The following INTS6 variants were observed in gnomAD, a reference collection of about 807,000 sequenced individuals.
INTS6 encodes integrator complex subunit 6.
In INTS6, 16 loss-of-function variants were observed where a neutral mutation model predicts 104.9. That is an observed-to-expected ratio of 0.15 (90% CI 0.10 to 0.23). INTS6 has a LOEUF of 0.23. Among genes scored for constraint, INTS6 ranks in the 10% least tolerant of loss-of-function variants. The pLI, the probability that INTS6 is intolerant of heterozygous loss-of-function variation, is 1.00. For synonymous variants in INTS6, 324 were observed against 358.7 expected (o/e 0.90, Z 1.09); for missense variants, 584 against 1,062.8 (o/e 0.55, Z 6.26).
intron 7 of INTS6, 131 bp downstream of exon 7, chr13:51,387,255 A>AG: frequency 1.5e-6 from 1 of 666,056 alleles, no homozygotes; most frequent in Non-Finnish European, 2.3e-6. Context: ...AGCAAGTAAC[A>AG]GGGTATCATA....
rs192910036 is a variant in INTS6 at position 51,408,757 on chromosome 13, T to G, written c.430-13274A>C. Among the ~76,000 whole-genome samples, 332 of 152,336 alleles carry G rather than the reference T, an allele frequency of 2.2e-3. 4 individuals are homozygous for G. The highest frequency in any genetic ancestry group is 1.1e-3 in the Non-Finnish European group (73 of 68,020). ...CCCATAATCACACAAGTTAAGAGAC[T>G]GATAATTCATCATTTACTGAATGCT... On this transcript the variant is annotated intron_variant, in intron 4 of 17. Coordinates refer to ENST00000311234, the MANE Select transcript of INTS6 (RefSeq NM_012141.3).
At chr13:51,396,732 A>G (rs1956346039) in intron 4 of INTS6, among the ~76,000 whole-genome samples, 1 of 152,240 alleles carries the variant, frequency 6.6e-6, no homozygotes, top group Admixed American at 6.5e-5. Flanking sequence ...CAAGAGAGCA[A>G]TCAGTCAAAT....
chr13:51,346,954 G>A, the INTS6 span: 9 of 1,153,610 alleles, frequency 7.8e-6, no homozygotes, highest in Non-Finnish European at 1.0e-5. Context: ...CTCCTTGTCC[G>A]CACACACACT....
intron 4 of INTS6, among the ~76,000 whole-genome samples, chr13:51,407,508 A>T (rs771627242): frequency 2.6e-5 from 4 of 152,204 alleles, no homozygotes; most frequent in Non-Finnish European, 4.4e-5. Flanking sequence ...TTGATAACAA[A>T]AATAATAGGA....
At position 51,451,189 on chromosome 13, in the gene INTS6, G is replaced by A. The variant is rs766863965; in HGVS notation, c.190-15C>T. ...TTCCATCCAGCCTGAAAAGAAAAAT[G>A]TAAGATTTTTTTTTTTCATTTTTTA... On this transcript the variant is annotated splice_polypyrimidine_tract_variant and intron_variant, in intron 2 of 17. Coordinates refer to ENST00000311234, the MANE Select transcript of INTS6 (RefSeq NM_012141.3). 5 of 1,531,366 alleles carry A rather than the reference G, an allele frequency of 3.3e-6. No individual in the cohort carries two copies. The highest frequency in any genetic ancestry group is 2.8e-5 in the African/African-American group (2 of 71,246). 94.9% of individuals were successfully genotyped at this position (1,531,366 alleles called of 1,614,324 possible).
At chr13:51,413,937 T>C (rs1259425363) in intron 4 of INTS6, among the ~76,000 whole-genome samples, 1 of 152,142 alleles carries the variant, frequency 6.6e-6, no homozygotes, top group East Asian at 1.9e-4. Flanking sequence ...ACATCTAGTC[T>C]CTCCTTCCTT....
chr13:51,442,431 T>A (rs1488958270), intron 3 of INTS6: 4 of 152,304 alleles, frequency 2.6e-5, no homozygotes, highest in Non-Finnish European at 5.9e-5. Context: ...AACCATCGCA[T>A]CTGGCCATTG....
intron 9 of INTS6, 144 bp from the exon 10 acceptor site, chr13:51,382,267 T>A: frequency 2.1e-6 from 1 of 475,230 alleles, no homozygotes; most frequent in East Asian, 3.9e-5. Context: ...AAGTAAGATT[T>A]ACGGTTTTGT....
intron 3 of INTS6, among the ~76,000 whole-genome samples, chr13:51,431,243 A>T (rs1957085072): frequency 6.6e-6 from 1 of 152,226 alleles, no homozygotes; most frequent in Admixed American, 6.5e-5. Context: ...AAATTTCAAG[A>T]GGGTAAACCT....
chr13:51,340,812 G>A, the INTS6 span: 1 of 522,686 alleles, frequency 1.9e-6, no homozygotes, highest in South Asian at 2.3e-5. Context: ...CATCCAGTAA[G>A]TGGCCGAAGC....
chr13:51,348,256 G>A, the INTS6 span: 1 of 1,606,460 alleles, frequency 6.2e-7, no homozygotes, highest in Non-Finnish European at 8.5e-7. Flanking sequence ...GGGTGCTGGA[G>A]CTTCCTTACC....
intron 6 of INTS6, among the ~76,000 whole-genome samples, chr13:51,388,368 G>GTGT (rs1344133694): frequency 2.0e-4 from 29 of 148,596 alleles, no homozygotes; most frequent in East Asian, 1.3e-3. Context: ...GTGTGTGTGT[G>GTGT]TTTTGTTTTT....
chr13:51,439,230 A>C (rs1952748656), intron 3 of INTS6: 1 of 152,166 alleles, frequency 6.6e-6, no homozygotes, highest in Admixed American at 6.5e-5. Context: ...AAGGACCTTC[A>C]CTAGGAGTCC....
Position 51,423,041 on chromosome 13 carries a change from G to T in INTS6, c.429+7253C>A, listed in dbSNP as rs767314333. Reference sequence around the variant, plus strand: ...GTTTATTTACTTGCCTGTCTTCAAAGATAATACGTTTTCTAGCCTTGCTTA... The same window carrying T: ...GTTTATTTACTTGCCTGTCTTCAAATATAATACGTTTTCTAGCCTTGCTTA... On this transcript the variant is annotated intron_variant, in intron 4 of 17. Transcript: ENST00000311234. The T allele has an allele frequency of 2.3e-6, 3 of 1,277,506 alleles. No individual in the cohort carries two copies. The East Asian group carries it at 1.7e-4, about 71-fold the overall frequency. 79.1% of individuals were successfully genotyped at this position (1,277,506 alleles called of 1,614,324 possible).
intron 6 of INTS6, 26 bp from the exon 7 acceptor site, chr13:51,387,566 A>C (rs1240504817): frequency 6.3e-7 from 1 of 1,591,856 alleles, no homozygotes; most frequent in Admixed American, 1.7e-5. Context: ...TAAGACAAAG[A>C]AAGCATATAT....
At position 51,430,350 on chromosome 13, in the gene INTS6, T is replaced by C. The variant is rs1050074184; in HGVS notation, c.373A>G (p.Ile125Val). ...RNPFFLEPAI[I>V]ITITDGSKLT... ...TTGCTCCCATCAGTAATTGTGATAA[T>C]TATTGCTGGCTCCAAGAAAAAAGGG... Residue 125 changes from isoleucine (I) to valine (V), a missense_variant, in exon 4 of 18, where the codon ATT becomes GTT. Coordinates refer to ENST00000311234, the MANE Select transcript of INTS6 (RefSeq NM_012141.3). 1.2e-6 allele frequency: 2 copies of C among 1,612,906 alleles called. No homozygotes were observed. The highest frequency in any genetic ancestry group is 2.7e-5 in the African/African-American group (2 of 74,886).
At chr13:51,375,189 T>C (rs112222799) in intron 13 of INTS6, among the ~76,000 whole-genome samples, 1,728 of 151,510 alleles carry the variant, frequency 0.011, 26 homozygotes, top group East Asian at 0.071. Flanking sequence ...CCCATCTCTA[T>C]TAAAAATACA....
At chr13:51,361,476 T>C (rs1955573613), downstream of INTS6, 2 of 718,226 alleles carry the variant, frequency 2.8e-6, no homozygotes, top group East Asian at 5.5e-5. Context: ...AGTTCAGGTG[T>C]GGTGTAGTAT....
downstream of INTS6, among the ~76,000 whole-genome samples, chr13:51,351,030 T>C (rs1204511050): frequency 1.3e-5 from 2 of 152,216 alleles, no homozygotes; most frequent in African/African-American, 4.8e-5. Context: ...GTACATTTTG[T>C]TTACCTATTC....
Sources: allele counts gnomAD v4.1 joint callset (sites outside exome capture counted in the v4.1 genomes callset), GRCh38; gene constraint gnomAD v4.1.1; transcripts MANE v1.5; gene names NCBI Gene and HGNC (gene_info 2026-07-23, HGNC 2026-07-21).